Variants in PVR observed in about 807,000 individuals in gnomAD.
The protein encoded by PVR is poliovirus receptor.
A neutral mutation model predicts 43.3 loss-of-function variants in PVR; 39 were observed. That is an observed-to-expected ratio of 0.90 (90% CI 0.70 to 1.18). The LOEUF (loss-of-function observed/expected upper bound fraction) is 1.18, where lower values mean the gene tolerates loss of function less well. Ranked by LOEUF, PVR falls within the 50% of genes most tolerant of loss-of-function variation. The pLI is 0.00. For synonymous variants in PVR, 224 were observed against 233.2 expected (o/e 0.96, Z 0.36); for missense variants, 480 against 549.7 (o/e 0.87, Z 1.27).
intron 1 of PVR, among the ~76,000 whole-genome samples, chr19:44,645,419 AT>A (rs1973085702): frequency 1.1e-5 from 1 of 92,676 alleles, no homozygotes; most frequent in Admixed American, 1.3e-4. Flanking sequence ...TTTTGTGTAT[AT>A]ATATATATAT....
At position 44,657,793 on chromosome 19, in the gene PVR, G is replaced by A. The variant is rs767790002; in HGVS notation, c.874G>A (p.Ala292Thr). Residue 292 changes from alanine (A) to threonine (T), a missense_variant, in exon 5 of 8, where the codon GCC becomes ACC. Physicochemically the swap from Ala to Thr is moderately conservative, Grantham distance 58 (BLOSUM62 0). Transcript: ENST00000425690. ...TMGPLPPFAV[A>T]QGAQLLIRPV... Reference sequence around the variant, plus strand: ...GGGTCCCCTGCCACCCTTTGCTGTGGCCCAGGGCGCCCAGCTCCTGATCCG... The same window carrying A: ...GGGTCCCCTGCCACCCTTTGCTGTGACCCAGGGCGCCCAGCTCCTGATCCG... 1.2e-6 allele frequency: 2 copies of A among 1,613,944 alleles called. No homozygotes were observed. Among genetic ancestry groups the A allele is most frequent in the Non-Finnish European group, 1.7e-6 (2 of 1,179,978 alleles).
At chr19:44,658,530 A>C (rs1973512772) in intron 5 of PVR, among the ~76,000 whole-genome samples, 1 of 152,186 alleles carries the variant, frequency 6.6e-6, no homozygotes, top group Non-Finnish European at 1.5e-5. Flanking sequence ...TGAACCAATC[A>C]TAGCAGCCAG....
rs376720266 is a variant in PVR at position 44,650,027 on chromosome 19, G to A, written c.646G>A (p.Gly216Ser). 224 of 1,595,956 alleles carry A rather than the reference G, an allele frequency of 1.4e-4. No individual in the cohort carries two copies. The highest frequency in any genetic ancestry group is 1.7e-4 in the Non-Finnish European group (198 of 1,170,308). Residue 216 changes from glycine (G) to serine (S), a missense_variant, in exon 3 of 8, where the codon GGC (glycine) becomes AGC (serine). By Grantham distance (56) the Gly-to-Ser change is moderately conservative (BLOSUM62 0). Transcript: ENST00000425690. ...WILVPSSQVD[G>S]KNVTCKVEHE... Reference sequence around the variant, plus strand: ...ATTGGTGCCCTCAAGCCAGGTGGACGGCAAGAATGTGACCTGCAAGGTGGA... The same window carrying A: ...ATTGGTGCCCTCAAGCCAGGTGGACAGCAAGAATGTGACCTGCAAGGTGGA...
chr19:44,647,662 G>A, intron 2 of PVR, 92 bp downstream of exon 2: 2 of 1,033,874 alleles, frequency 1.9e-6, no homozygotes, highest in Non-Finnish European at 2.7e-6. Flanking sequence ...GCCTGGGAGG[G>A]AGGGAGATTC....
rs1973650884 is a variant in PVR at position 44,664,072 on chromosome 19, A to C, written c.*2261A>C. The C allele has an allele frequency of 6.6e-6, 1 of 152,208 alleles. No homozygotes were observed. The highest frequency in any genetic ancestry group is 1.5e-5 in the Non-Finnish European group (1 of 68,032). The allele number at this position is 152,208 out of a possible 1,614,324, so 9.4% of individuals were successfully genotyped here. A position where few individuals can be genotyped will look rare whatever the true frequency, so the allele number is the denominator to read the frequency against. On this transcript the variant is annotated 3_prime_UTR_variant, in exon 8 of 8. Coordinates refer to ENST00000425690, the MANE Select transcript of PVR (RefSeq NM_006505.5). ...TTTACACAACACTGTGAATGTAATG[A>C]ATGCCACTGAATCATACACTCAAAA...
intron 3 of PVR, 114 bp downstream of exon 3, chr19:44,650,219 C>G: frequency 9.5e-7 from 1 of 1,052,800 alleles, no homozygotes; most frequent in South Asian, 1.9e-5. Context: ...GCACCGGCTC[C>G]CCTGACTCCT....
intron 7 of PVR, 43 bp downstream of exon 7, chr19:44,661,366 G>C: frequency 1.2e-6 from 2 of 1,600,066 alleles, no homozygotes; most frequent in Middle Eastern, 1.7e-4. Context: ...GGGTCTGCAC[G>C]AACTACAGAC....
At position 44,665,858 on chromosome 19, in the gene PVR, C is replaced by T. The variant is rs1169132262; in HGVS notation, c.*4047C>T. 2.6e-5 allele frequency: 4 copies of T among 152,220 alleles called. No homozygotes were observed. The highest frequency in any genetic ancestry group is 2.1e-4 in the South Asian group (1 of 4,828). 9.4% of individuals were successfully genotyped at this position (152,220 alleles called of 1,614,324 possible). A position where few individuals can be genotyped will look rare whatever the true frequency, so the allele number is the denominator to read the frequency against. ...GTGAGCCTTTGTAGGAACGAGAAAC[C>T]GCATCCAGCAGCAGAAACCTCACCC... On this transcript the variant is annotated 3_prime_UTR_variant, in exon 8 of 8. Transcript: ENST00000425690.
rs1973354296 is a variant in PVR, at chr19:44,653,898, A to T, written c.725-2A>T. The T allele has an allele frequency of 6.2e-7, 1 of 1,607,418 alleles. No homozygotes were observed. Among genetic ancestry groups the T allele is most frequent in the South Asian group, 1.1e-5 (1 of 90,938 alleles). On this transcript the variant is annotated splice_acceptor_variant, in intron 3 of 7. Transcript: ENST00000425690. LOFTEE classifies it high-confidence loss of function. ...CTGAACCTCTGTATCCATTTCCTGC[A>T]GACCCCCCAGAGGTATCCATCTCTG...
Position 44,662,240 on chromosome 19 carries a change from C to T in PVR, c.*429C>T, listed in dbSNP as rs756064070. 16 of 178,978 alleles carry T rather than the reference C, an allele frequency of 8.9e-5. No individual in the cohort carries two copies. Among genetic ancestry groups the T allele is most frequent in the Admixed American group, 3.8e-4 (7 of 18,524 alleles). 11.1% of individuals were successfully genotyped at this position (178,978 alleles called of 1,614,324 possible). On this transcript the variant is annotated 3_prime_UTR_variant, in exon 8 of 8. Coordinates refer to ENST00000425690, the MANE Select transcript of PVR (RefSeq NM_006505.5). Reference sequence around the variant, plus strand: ...ATACTGCCAACCAGAGCAGCTCACTCGAGATCTTTGTGTCCAGAGTTTTTT... The same window carrying T: ...ATACTGCCAACCAGAGCAGCTCACTTGAGATCTTTGTGTCCAGAGTTTTTT...
At position 44,647,445 on chromosome 19, in the gene PVR, C is replaced by T. The variant is rs556820109; in HGVS notation, c.302C>T (p.Ala101Val). The T allele has an allele frequency of 6.5e-5, 105 of 1,614,050 alleles. 1 individual carries two copies. In the South Asian group the frequency reaches 1.0e-3, roughly 15 times the overall value. ...RLEFVAARLG[A>V]ELRNASLRMF... Reference sequence around the variant, plus strand: ...GAATTCGTGGCAGCCAGACTGGGCGCGGAGCTGCGGAATGCCTCGCTGAGG... The same window carrying T: ...GAATTCGTGGCAGCCAGACTGGGCGTGGAGCTGCGGAATGCCTCGCTGAGG... Residue 101 changes from alanine to valine, a missense_variant, in exon 2 of 8, where the codon GCG becomes GTG. Ala to Val is a moderately conservative substitution (Grantham distance 64). Transcript: ENST00000425690.
chr19:44,658,676 A>G (rs1973516868), intron 5 of PVR, 66 bp from the exon 6 acceptor site: 1 of 1,404,386 alleles, frequency 7.1e-7, no homozygotes, highest in Non-Finnish European at 9.8e-7. Context: ...TCAAGATGCC[A>G]TTTCAAGAAT....
intron 2 of PVR, 84 bp from the exon 3 acceptor site, chr19:44,649,725 T>C: frequency 6.9e-7 from 1 of 1,440,766 alleles, no homozygotes. Flanking sequence ...CCAGCAACCA[T>C]GCCATCCTGT....
intron 5 of PVR, 39 bp from the exon 6 acceptor site, chr19:44,658,701 AAG>A: frequency 6.5e-7 from 1 of 1,533,720 alleles, no homozygotes; most frequent in Non-Finnish European, 8.9e-7. Flanking sequence ...GATAAACCCC[AAG>A]AGTTTCCTTA....
intron 1 of PVR, 148 bp from the exon 2 acceptor site, chr19:44,647,074 AG>A: frequency 4.1e-5 from 1 of 24,322 alleles, no homozygotes; most frequent in Non-Finnish European, 7.9e-5. Context: ...CTAGTGCCCC[AG>A]TTCCCCCTCC....
chr19:44,658,744 GGA>G lies in PVR; in HGVS notation c.995_996del (p.Gly332AlafsTer4). On this transcript the variant is annotated frameshift_variant, in exon 6 of 8. Transcript: ENST00000425690. LOFTEE classifies it high-confidence loss of function. ...QAELTVQVKE[G>X]PPSEHSGMSR... ...ATACCTGTTTCCTTCTCTTTCAGAG[GGA>G]CCTCCCAGTGAGCACTCAGGCATGT... The G allele has an allele frequency of 6.2e-7, 1 of 1,603,586 alleles. No individual in the cohort carries two copies. Among genetic ancestry groups the G allele is most frequent in the Non-Finnish European group, 8.5e-7 (1 of 1,172,024 alleles).
Position 44,658,740 on chromosome 19 carries a change from A to G in PVR, c.992-2A>G. ...CTAAATACCTGTTTCCTTCTCTTTCAGAGGGACCTCCCAGTGAGCACTCAG... is the reference window on the plus strand; with the variant it reads ...CTAAATACCTGTTTCCTTCTCTTTCGGAGGGACCTCCCAGTGAGCACTCAG... On this transcript the variant is annotated splice_acceptor_variant, in intron 5 of 7. Coordinates refer to ENST00000425690, the MANE Select transcript of PVR (RefSeq NM_006505.5). LOFTEE classifies it high-confidence loss of function. 6.2e-7 allele frequency: 1 copy of G among 1,601,600 alleles called. No homozygotes were observed. Among genetic ancestry groups the G allele is most frequent in the Non-Finnish European group, 8.5e-7 (1 of 1,170,454 alleles).
In PVR at chr19:44,644,158, G is replaced by C; in HGVS notation, c.62G>C (p.Trp21Ser). The C allele has an allele frequency of 6.6e-7, 1 of 1,511,170 alleles. No individual in the cohort carries two copies. The highest frequency in any genetic ancestry group is 8.8e-7 in the Non-Finnish European group (1 of 1,135,030). The allele number at this position is 1,511,170 out of a possible 1,614,324, so 93.6% of individuals were successfully genotyped here. Residue 21 changes from tryptophan to serine, a missense_variant, in exon 1 of 8, where the codon TGG (tryptophan) becomes TCG (serine). Coordinates refer to ENST00000425690, the MANE Select transcript of PVR (RefSeq NM_006505.5). Reference protein sequence around the residue: ...LLLVALLVLSWPPPGTGDVVV... With the variant: ...LLLVALLVLSSPPPGTGDVVV... The stretch of plus-strand genomic sequence containing the variant: ...CTGGTGGCGCTACTGGTGCTGTCCT[G>C]GCCACCCCCAGGAACCGGTGAGTGA...
rs753297979 is a variant in PVR, at chr19:44,658,794, G to T, written c.1044G>T (p.Leu348=). 1 of 1,613,050 alleles carries T rather than the reference G, an allele frequency of 6.2e-7. No homozygotes were observed. Among genetic ancestry groups the T allele is most frequent in the South Asian group, 1.1e-5 (1 of 91,056 alleles). Residue 348 remains leucine, a synonymous_variant, in exon 6 of 8, where the codon CTG becomes CTT. Transcript: ENST00000425690. ...SGMSRNAIIF[L]VLGILVFLIL... is the part of the protein sequence containing the mutation. ...TGTCCCGTAACGCCATCATCTTCCT[G>T]GTTCTGGGAATCCTGGTTTTTCTGA...
Sources: allele counts gnomAD v4.1 joint callset (sites outside exome capture counted in the v4.1 genomes callset), GRCh38; gene constraint gnomAD v4.1.1; transcripts MANE v1.5; gene names NCBI Gene and HGNC (gene_info 2026-07-23, HGNC 2026-07-21).